IMMP2L: variants seen among roughly 807,000 people sequenced by gnomAD.
IMMP2L encodes the protein inner mitochondrial membrane peptidase subunit 2.
In IMMP2L, 18 loss-of-function variants were observed where a neutral mutation model predicts 19.3. That is an observed-to-expected ratio of 0.93 (90% CI 0.64 to 1.38). The LOEUF (loss-of-function observed/expected upper bound fraction) is 1.38. Ranked by LOEUF, IMMP2L falls within the 40% of genes most tolerant of loss-of-function variation. The probability of loss-of-function intolerance (pLI) is 0.00; values close to 1 mark genes in which losing one functional copy is unlikely to be tolerated. For missense variants in IMMP2L, 233 were observed against 218.2 expected (o/e 1.07, Z -0.43); for synonymous variants, 76 against 73.0 (o/e 1.04, Z -0.21).
Position 110,843,914 on chromosome 7 carries a change from G to A in IMMP2L, c.408+42679C>T, listed in dbSNP as rs575891218. Among the ~76,000 whole-genome samples the A allele has an allele frequency of 4.6e-5, 7 of 152,278 alleles. No individual in the cohort carries two copies. In the South Asian group the frequency reaches 1.2e-3, roughly 27 times the overall value. ...AGGGTGGCTAAGGCAGGGCACATGAGTGAAAGGGCAGGAGAGATCTCTGGG... is the reference window on the plus strand; with the variant it reads ...AGGGTGGCTAAGGCAGGGCACATGAATGAAAGGGCAGGAGAGATCTCTGGG... On this transcript the variant is annotated intron_variant, in intron 5 of 5. Transcript: ENST00000405709.
intron 1 of IMMP2L, among the ~76,000 whole-genome samples, chr7:111,530,052 C>T (rs538379071): frequency 6.6e-6 from 1 of 152,234 alleles, no homozygotes; most frequent in African/African-American, 2.4e-5. Context: ...TCTTCAGAAG[C>T]AGCATCAGCA....
intron 4 of IMMP2L, among the ~76,000 whole-genome samples, chr7:110,945,084 C>T (rs980408550): frequency 2.0e-5 from 3 of 151,778 alleles, no homozygotes; most frequent in African/African-American, 7.3e-5. Context: ...ACAAAGGCAA[C>T]GGTATGCAAA....
Position 110,669,052 on chromosome 7 carries a change from CGTGTGTGTGTGT to C in IMMP2L, c.409-5343_409-5332del, listed in dbSNP as rs1165734674. On this transcript the variant is annotated intron_variant, in intron 5 of 5. Transcript: ENST00000405709. Reference sequence around the variant, plus strand: ...ATGTGTGTGTGTGTGTGTGTGTGTGCGTGTGTGTGTGTGTGTGTGTGTGTGTGTGTGTGTGTG... The same window carrying C: ...ATGTGTGTGTGTGTGTGTGTGTGTGCGTGTGTGTGTGTGTGTGTGTGTGTG... Among the ~76,000 whole-genome samples the C allele has an allele frequency of 9.3e-3, 606 of 65,314 alleles. 10 individuals are homozygous for C. The highest frequency in any genetic ancestry group is 0.029 in the African/African-American group (579 of 19,944). The allele number at this position is 65,314 out of a possible 152,430, so 42.8% of individuals were successfully genotyped here.
intron 2 of IMMP2L, among the ~76,000 whole-genome samples, chr7:111,503,429 C>T (rs919411834): frequency 3.9e-5 from 6 of 152,042 alleles, no homozygotes; most frequent in Non-Finnish European, 7.4e-5. Flanking sequence ...GAAACTATTC[C>T]AATCAATAGA....
intron 3 of IMMP2L, among the ~76,000 whole-genome samples, chr7:111,200,737 A>G (rs1195077493): frequency 6.6e-6 from 1 of 152,144 alleles, no homozygotes; most frequent in African/African-American, 2.4e-5. Flanking sequence ...AAAAGCAATC[A>G]ACTCTGCCCT....
chr7:110,823,353 T>C (rs548552151), intron 5 of IMMP2L, among the ~76,000 whole-genome samples: 108 of 152,160 alleles, frequency 7.1e-4, no homozygotes, highest in African/African-American at 2.5e-3. Context: ...TGTCTGTATA[T>C]GTTGATGTGA....
rs189834183 is a variant in IMMP2L at position 111,486,425 on chromosome 7, G to A, written c.239+813C>T. 5.7e-4 allele frequency among the ~76,000 whole-genome samples: 87 copies of A among 152,264 alleles called. 2 individuals are homozygous for A. Among genetic ancestry groups the A allele is most frequent in the African/African-American group, 1.9e-3 (80 of 41,570 alleles). The stretch of plus-strand genomic sequence containing the variant: ...AAATGGGAAAAGTATTTACCCAGTA[G>A]CAGGTTTTTACTGTCTCCAAATCAA... On this transcript the variant is annotated intron_variant, in intron 3 of 5. Coordinates refer to ENST00000405709, the MANE Select transcript of IMMP2L (RefSeq NM_032549.4).
intron 3 of IMMP2L, among the ~76,000 whole-genome samples, chr7:111,205,707 T>C (rs2129617309): frequency 6.6e-6 from 1 of 152,232 alleles, no homozygotes; most frequent in East Asian, 1.9e-4. Flanking sequence ...AATTATGAAC[T>C]ATAGGCCATG....
intron 1 of IMMP2L, among the ~76,000 whole-genome samples, chr7:111,535,900 T>C (rs1847846191): frequency 6.6e-6 from 1 of 152,100 alleles, no homozygotes; most frequent in Non-Finnish European, 1.5e-5. Context: ...CTAATACCAT[T>C]CCCTACTCCA....
intron 5 of IMMP2L, among the ~76,000 whole-genome samples, chr7:110,766,316 C>T (rs1050270979): frequency 1.3e-4 from 20 of 152,150 alleles, no homozygotes; most frequent in Non-Finnish European, 2.2e-4. Flanking sequence ...TGTGGCCGGG[C>T]GCAGTGGCTC....
chr7:110,677,023 G>A (rs976335677), intron 5 of IMMP2L, among the ~76,000 whole-genome samples: 2 of 152,296 alleles, frequency 1.3e-5, no homozygotes, highest in East Asian at 1.9e-4. Flanking sequence ...TGACAGTACA[G>A]AGACACTGCT....
In IMMP2L at chr7:110,735,216, G is replaced by A. The variant is rs547254326; in HGVS notation, c.409-71495C>T. On this transcript the variant is annotated intron_variant, in intron 5 of 5. Coordinates refer to ENST00000405709, the MANE Select transcript of IMMP2L (RefSeq NM_032549.4). ...GCCTGCATGTGCACTAGGAATATGC[G>A]GTGGAACTACCAAAAATGCACACCT... Among the ~76,000 whole-genome samples the A allele has an allele frequency of 8.5e-5, 13 of 152,216 alleles. No homozygotes were observed. In the South Asian group the frequency reaches 1.0e-3, roughly 12 times the overall value.
chr7:111,511,229 G>A (rs1845406434), intron 2 of IMMP2L, among the ~76,000 whole-genome samples: 1 of 152,040 alleles, frequency 6.6e-6, no homozygotes, highest in Admixed American at 6.6e-5. Context: ...ATAAACTAGA[G>A]GCTAGGAACC....
At chr7:111,320,905 A>T (rs533847912) in intron 3 of IMMP2L, among the ~76,000 whole-genome samples, 1 of 152,152 alleles carries the variant, frequency 6.6e-6, no homozygotes, top group African/African-American at 2.4e-5. Context: ...CAAGCAACTT[A>T]TTCATATTTG....
Position 110,663,668 on chromosome 7 carries a change from C to T in IMMP2L, c.462G>A (p.Glu154=), listed in dbSNP as rs1356707600. Reference sequence around the variant, plus strand: ...GAACAGATTCCAATTTCTGCCAGCGCTCTGGGGGCCACAGGATATGTGTGG... The same window carrying T: ...GAACAGATTCCAATTTCTGCCAGCGTTCTGGGGGCCACAGGATATGTGTGG... ...AHATHILWPP[E]RWQKLESVLP... is the part of the protein sequence containing the mutation. The change falls in exon 6 of 6, where the codon GAG becomes GAA. Residue 154 remains glutamate, a synonymous_variant. Coordinates refer to ENST00000405709, the MANE Select transcript of IMMP2L (RefSeq NM_032549.4). The T allele has an allele frequency of 3.7e-6, 6 of 1,610,210 alleles. No individual in the cohort carries two copies. The highest frequency in any genetic ancestry group is 3.3e-5 in the South Asian group (3 of 90,792).
intron 3 of IMMP2L, among the ~76,000 whole-genome samples, chr7:111,265,900 A>G (rs1389860611): frequency 6.6e-6 from 1 of 152,196 alleles, no homozygotes; most frequent in Non-Finnish European, 1.5e-5. Context: ...TTACAGGATT[A>G]AAGTCTACAT....
intron 3 of IMMP2L, among the ~76,000 whole-genome samples, chr7:111,221,302 C>T (rs1241376916): frequency 2.0e-5 from 3 of 152,014 alleles, no homozygotes; most frequent in Non-Finnish European, 4.4e-5. Flanking sequence ...GTCAATATCA[C>T]AAGACTACTT....
chr7:111,431,708 T>C (rs1463760925), intron 3 of IMMP2L, among the ~76,000 whole-genome samples: 7 of 151,796 alleles, frequency 4.6e-5, no homozygotes, highest in Non-Finnish European at 1.0e-4. Context: ...TCCATCAAAC[T>C]TTACCAAAAC....
intron 5 of IMMP2L, among the ~76,000 whole-genome samples, chr7:110,686,487 G>A (rs919325473): frequency 2.0e-5 from 3 of 151,764 alleles, no homozygotes; most frequent in Non-Finnish European, 2.9e-5. Context: ...TGGCCAGCTG[G>A]ACAATCCCAA....
Sources: gnomAD v4.1 joint callset for allele counts (sites outside exome capture counted in the v4.1 genomes callset) on GRCh38, gnomAD v4.1.1 for gene constraint, MANE v1.5 for transcripts, NCBI Gene and HGNC (gene_info 2026-07-23, HGNC 2026-07-21) for gene names.